Variants in ADAM8 observed in about 807,000 individuals in gnomAD.
ADAM8 encodes ADAM metallopeptidase domain 8, also known as disintegrin and metalloproteinase domain-containing protein 8.
In ADAM8, 104 loss-of-function variants were observed where a neutral mutation model predicts 102.4. That is an observed-to-expected ratio of 1.02 (90% confidence interval 0.87 to 1.20). The LOEUF (loss-of-function observed/expected upper bound fraction) is 1.20. Among genes scored for constraint, ADAM8 ranks in the 50% most tolerant of loss-of-function variants. The pLI is 0.00. For missense variants in ADAM8, 1,132 were observed against 1,159.0 expected (o/e 0.98, Z 0.34); for synonymous variants, 517 against 485.2 (o/e 1.07, Z -0.86).
chr10:133,272,048 C>T, intron 10 of ADAM8, 94 bp from the exon 11 acceptor site: 1 of 1,554,808 alleles, frequency 6.4e-7, no homozygotes, highest in Non-Finnish European at 8.8e-7. Flanking sequence ...GCACAGCTTC[C>T]CGCCAACACC....
In ADAM8 at chr10:133,269,893, A is replaced by G. The variant is rs1846462376; in HGVS notation, c.1863+4T>C. 2 of 1,612,598 alleles carry G rather than the reference A, an allele frequency of 1.2e-6. No individual in the cohort carries two copies. The highest frequency in any genetic ancestry group is 1.7e-6 in the Non-Finnish European group (2 of 1,179,860). On this transcript the variant is annotated splice_donor_region_variant and intron_variant, in intron 17 of 22. Coordinates refer to ENST00000445355, the MANE Select transcript of ADAM8 (RefSeq NM_001109.5). ...GGGGCCCTGTCCCGAGAGGCCACACATACCCCATGGTTGTGGCACTGGGCA... is the reference window on the plus strand; with the variant it reads ...GGGGCCCTGTCCCGAGAGGCCACACGTACCCCATGGTTGTGGCACTGGGCA...
chr10:133,272,991 T>TAC lies in ADAM8; in HGVS notation c.601_602insGT (p.Tyr201CysfsTer31), dbSNP rs776175703. On this transcript the variant is annotated frameshift_variant, in exon 7 of 23. Transcript: ENST00000445355. LOFTEE classifies it high-confidence loss of function. ...GTCCACGACCACATACAGCTCCACG[T>TAC]AGCGGGTCTCTCGGGATGGCAGAGA... 5 of 1,612,834 alleles carry TAC rather than the reference T, an allele frequency of 3.1e-6. No homozygotes were observed. In the East Asian group the frequency reaches 1.1e-4, roughly 36 times the overall value.
In ADAM8 at chr10:133,273,321, AC is replaced by A; in HGVS notation, c.505del (p.Val169SerfsTer62). On this transcript the variant is annotated frameshift_variant, in exon 6 of 23. Coordinates refer to ENST00000445355, the MANE Select transcript of ADAM8 (RefSeq NM_001109.5). LOFTEE classifies it high-confidence loss of function. ...GAGGCTGCCCAGGCTGTCGTCGCTGACCCCGCAGGTCCCGGCCGTCTGCAGC... is the reference window on the plus strand; with the variant it reads ...GAGGCTGCCCAGGCTGTCGTCGCTGACCCGCAGGTCCCGGCCGTCTGCAGC... The part of the protein sequence containing the change: ...HLLQTAGTCG[V>X]SDDSLGSLLG... The A allele has an allele frequency of 2.5e-6, 4 of 1,582,376 alleles. No homozygotes were observed. In the South Asian group the frequency reaches 3.4e-5, roughly 14 times the overall value.
At chr10:133,270,628 G>C in intron 15 of ADAM8, 108 bp downstream of exon 15, 1 of 1,540,328 alleles carries the variant, frequency 6.5e-7, no homozygotes, top group Non-Finnish European at 8.8e-7. Flanking sequence ...GGGTCCATGG[G>C]TCCAGAGCAG....
At chr10:133,274,835 C>G in intron 2 of ADAM8, 1 of 434,516 alleles carries the variant, frequency 2.3e-6, no homozygotes, top group Non-Finnish European at 4.6e-6. Context: ...ACCACTGCAT[C>G]TCCAGCCCCC....
At chr10:133,272,668 TC>T in intron 8 of ADAM8, 83 bp from the exon 9 acceptor site, 1 of 1,538,400 alleles carries the variant, frequency 6.5e-7, no homozygotes, top group Non-Finnish European at 8.8e-7. Context: ...GATGCACCTG[TC>T]CCACGGCGAG....
rs373868739 is a variant in ADAM8, at chr10:133,268,138, C to A, written c.2064-20G>T. 2.7e-5 allele frequency: 34 copies of A among 1,257,100 alleles called. No individual in the cohort carries two copies. The highest frequency in any genetic ancestry group is 3.4e-5 in the Non-Finnish European group (34 of 993,436). The allele number at this position is 1,257,100 out of a possible 1,614,324, so 77.9% of individuals were successfully genotyped here. On this transcript the variant is annotated intron_variant, in intron 19 of 22. Coordinates refer to ENST00000445355, the MANE Select transcript of ADAM8 (RefSeq NM_001109.5). ...ACGTTCCTGGGGAGGAAGCACAGGG[C>A]GCATGGTCAGTGTCCGGCCATGGGG...
At position 133,270,739 on chromosome 10, in the gene ADAM8, T is replaced by C; in HGVS notation, c.1631A>G (p.Tyr544Cys). Residue 544 changes from tyrosine (Y) to cysteine (C), a missense_variant, in exon 15 of 23, where the codon TAC becomes TGC. Tyr to Cys is a radical substitution (Grantham distance 194). Transcript: ENST00000445355. ...DILPGCKASR[Y>C]RADMCGVLQC... ...GCCCAGGGCGGTCTCAGCTCACCTG[T>C]ACCGGCTGGCCTTGCAGCCTGGTAG... The C allele has an allele frequency of 1.2e-6, 2 of 1,605,030 alleles. No individual in the cohort carries two copies. Among genetic ancestry groups the C allele is most frequent in the Non-Finnish European group, 1.7e-6 (2 of 1,175,664 alleles).
At chr10:133,272,043 G>A in intron 10 of ADAM8, 89 bp from the exon 11 acceptor site, 1 of 1,564,880 alleles carries the variant, frequency 6.4e-7, no homozygotes, top group Non-Finnish European at 8.7e-7. Context: ...ACTTGGCACA[G>A]CTTCCCGCCA....
chr10:133,273,370 C>A lies in ADAM8; in HGVS notation c.457G>T (p.Ala153Ser). 6.4e-7 allele frequency: 1 copy of A among 1,554,978 alleles called. No individual in the cohort carries two copies. Among genetic ancestry groups the A allele is most frequent in the Non-Finnish European group, 8.7e-7 (1 of 1,149,840 alleles). ...LDEGGEGGRH[A>S]VYQAEHLLQT... The stretch of plus-strand genomic sequence containing the variant: ...AGCAGGTGCTCAGCCTGGTACACGG[C>A]GTGCCGTCCGCCCTCGCCACCTTCA... The change falls in exon 6 of 23, where the codon GCC (alanine) becomes TCC (serine). Residue 153 changes from alanine to serine, a missense_variant. Ala to Ser is a moderately conservative substitution (Grantham distance 99, BLOSUM62 1). Coordinates refer to ENST00000445355, the MANE Select transcript of ADAM8 (RefSeq NM_001109.5).
intron 21 of ADAM8, 150 bp downstream of exon 21, chr10:133,267,202 T>C (rs1846351171): frequency 8.6e-6 from 7 of 816,760 alleles, no homozygotes; most frequent in South Asian, 7.6e-5. Context: ...TTCTGTCTGA[T>C]GTCCTCACGA....
Position 133,268,016 on chromosome 10 carries a change from G to T in ADAM8, c.2166C>A (p.Gly722=). The T allele has an allele frequency of 7.9e-7, 1 of 1,260,800 alleles. No homozygotes were observed. Among genetic ancestry groups the T allele is most frequent in the Non-Finnish European group, 1.0e-6 (1 of 996,010 alleles). 78.1% of individuals were successfully genotyped at this position (1,260,800 alleles called of 1,614,324 possible). A position where few individuals can be genotyped will look rare whatever the true frequency, so the allele number is the denominator to read the frequency against. The change falls in exon 20 of 23, where the codon GGC becomes GGA. Residue 722 remains glycine, a synonymous_variant. Coordinates refer to ENST00000445355, the MANE Select transcript of ADAM8 (RefSeq NM_001109.5). ...AKGGAPAPSR[G]PQELVPTTHP... The stretch of plus-strand genomic sequence containing the variant: ...GGGTGGTGGGGACCAGCTCTTGGGG[G>T]CCCCTGGATGGGGCTGGAGCCCCGC...
At chr10:133,274,323 G>T in intron 2 of ADAM8, 88 bp from the exon 3 acceptor site, 6 of 1,283,606 alleles carry the variant, frequency 4.7e-6, no homozygotes, top group Non-Finnish European at 5.2e-6. Flanking sequence ...TCAGCTGGGG[G>T]GGAAGGGGTG....
At chr10:133,265,256 C>T (rs9418958) in intron 21 of ADAM8, among the ~76,000 whole-genome samples, 2,332 of 7,568 alleles carry the variant, frequency 0.31, 561 homozygotes, top group East Asian at 0.51. Context: ...CCCCATCTAC[C>T]GCCACGCCCG....
In ADAM8 at chr10:133,269,682, A is replaced by G. The variant is rs140368609; in HGVS notation, c.1864-153T>C. Reference sequence around the variant, plus strand: ...CGCCGACGGCGAGGCCTCTCCATGTAGCCCCTGCCCGCTGCCCGGTGACCA... The same window carrying G: ...CGCCGACGGCGAGGCCTCTCCATGTGGCCCCTGCCCGCTGCCCGGTGACCA... On this transcript the variant is annotated intron_variant, in intron 17 of 22. Coordinates refer to ENST00000445355, the MANE Select transcript of ADAM8 (RefSeq NM_001109.5). Among the ~76,000 whole-genome samples the G allele has an allele frequency of 6.0e-3, 911 of 152,274 alleles. 8 individuals carry two copies. Among genetic ancestry groups the G allele is most frequent in the South Asian group, 0.017 (84 of 4,830 alleles).
At chr10:133,275,101 G>A in intron 2 of ADAM8, 1 of 301,894 alleles carries the variant, frequency 3.3e-6, no homozygotes, top group Non-Finnish European at 6.3e-6. Context: ...GGCATTCTCA[G>A]TTTCTAGCCC....
At chr10:133,272,613 C>G (rs1846576973) in intron 8 of ADAM8, 28 bp from the exon 9 acceptor site, 7 of 1,590,898 alleles carry the variant, frequency 4.4e-6, no homozygotes, top group Middle Eastern at 1.7e-4. Context: ...TCCTGGGGGT[C>G]AGGCAGGGTG....
intron 16 of ADAM8, 115 bp from the exon 17 acceptor site, chr10:133,270,089 G>T: frequency 7.7e-7 from 1 of 1,296,082 alleles, no homozygotes; most frequent in Non-Finnish European, 1.1e-6. Flanking sequence ...CAAGGTGGCT[G>T]TGCTTCAGCC....
intron 16 of ADAM8, 39 bp from the exon 17 acceptor site, chr10:133,270,013 C>A (rs747194141): frequency 6.2e-7 from 1 of 1,602,692 alleles, no homozygotes; most frequent in South Asian, 1.1e-5. Context: ...CCGCTCTGGA[C>A]CTCTGCCCCG....
Sources: allele counts gnomAD v4.1 joint callset (sites outside exome capture counted in the v4.1 genomes callset), GRCh38; gene constraint gnomAD v4.1.1; transcripts MANE v1.5; gene names NCBI Gene and HGNC (gene_info 2026-07-23, HGNC 2026-07-21).